The following GLI3 variants were observed in gnomAD, a reference collection of about 807,000 sequenced individuals.
GLI3 encodes transcription activator GLI3.
GLI3 carries 20 observed loss-of-function variants against 100.8 expected under a neutral mutation model. The ratio of observed to expected loss-of-function variants is 0.20; its 90% CI spans 0.14 to 0.29. The LOEUF (loss-of-function observed/expected upper bound fraction) is 0.29. Among genes scored for constraint, GLI3 ranks in the 10% least tolerant of loss-of-function variants. The pLI is 1.00. For synonymous variants in GLI3, 938 were observed against 860.5 expected, an observed-to-expected ratio of 1.09 and a Z score of -1.58; for missense variants, 2,040 against 2,128.5, an observed-to-expected ratio of 0.96 and a Z score of 0.82.
At chr7:42,157,778 A>C (rs1358654425) in intron 2 of GLI3, among the ~76,000 whole-genome samples, 2 of 152,210 alleles carry the variant, frequency 1.3e-5, no homozygotes, top group African/African-American at 4.8e-5. Context: ...TTAAGTACAT[A>C]CAAATTGAAA....
intron 12 of GLI3, among the ~76,000 whole-genome samples, chr7:41,976,484 CA>C (rs1562666052): frequency 6.6e-6 from 1 of 152,096 alleles, no homozygotes; most frequent in Non-Finnish European, 1.5e-5. Context: ...ACCTTAAAGC[CA>C]AAAGTCCACT....
At chr7:42,209,918 A>C (rs1788229690) in intron 2 of GLI3, among the ~76,000 whole-genome samples, 1 of 138,784 alleles carries the variant, frequency 7.2e-6, no homozygotes, top group South Asian at 2.5e-4. Context: ...TGAAAGTTAG[A>C]GCTCCAAATA....
At chr7:42,182,644 GTATATATATATA>G (rs764864618) in intron 2 of GLI3, among the ~76,000 whole-genome samples, 14 of 51,674 alleles carry the variant, frequency 2.7e-4, no homozygotes, top group African/African-American at 5.2e-4. Context: ...ATATGTGTGT[GTATATATATATA>G]TATATATATA....
chr7:42,164,517 T>TA (rs1485368134), intron 2 of GLI3, among the ~76,000 whole-genome samples: 10 of 149,736 alleles, frequency 6.7e-5, no homozygotes, highest in East Asian at 3.9e-4. Context: ...AGACCTTGTC[T>TA]AAAAAAAAAT....
intron 7 of GLI3, among the ~76,000 whole-genome samples, chr7:42,028,724 A>G (rs1228001403): frequency 6.6e-6 from 1 of 151,952 alleles, no homozygotes; most frequent in East Asian, 1.9e-4. Context: ...AGATCGCGCC[A>G]CTGCACTCCA....
At chr7:42,225,641 G>A (rs368251901) in intron 1 of GLI3, among the ~76,000 whole-genome samples, 7 of 152,220 alleles carry the variant, frequency 4.6e-5, no homozygotes, top group East Asian at 1.9e-4. Context: ...GAGTACAGGC[G>A]TGAGCCTTGA....
chr7:41,968,717 A>AAAGAAAGAAAG lies in GLI3; in HGVS notation c.2104-805_2104-795dup, dbSNP rs1562661766. ...AGAAAGAAAGAAAGAAAGAAAGAAG[A>AAAGAAAGAAAG]AAGAAAGAAAGAAAGAAAGAAAGAA... is the stretch of plus-strand genomic sequence containing the variant. On this transcript the variant is annotated intron_variant, in intron 13 of 14. Transcript: ENST00000395925. Among the ~76,000 whole-genome samples, 38 of 103,710 alleles carry AAAGAAAGAAAG rather than the reference A, an allele frequency of 3.7e-4. 2 individuals are homozygous for AAAGAAAGAAAG. Among genetic ancestry groups the AAAGAAAGAAAG allele is most frequent in the African/African-American group, 1.7e-3 (36 of 20,990 alleles). The allele number at this position is 103,710 out of a possible 152,430, so 68.0% of individuals were successfully genotyped here. A position where few individuals can be genotyped will look rare whatever the true frequency, so the allele number is the denominator to read the frequency against.
At chr7:42,031,388 C>T (rs60142258) in intron 7 of GLI3, among the ~76,000 whole-genome samples, 299 of 152,226 alleles carry the variant, frequency 2.0e-3, no homozygotes, top group African/African-American at 6.7e-3. Flanking sequence ...TCCCAAGCAA[C>T]GTGCTAACAC....
At chr7:42,181,829 T>G (rs1787600095) in intron 2 of GLI3, among the ~76,000 whole-genome samples, 1 of 152,158 alleles carries the variant, frequency 6.6e-6, no homozygotes, top group African/African-American at 2.4e-5. Flanking sequence ...CTCATACATC[T>G]TGGTAAATAA....
chr7:42,096,371 G>A (rs143337328), intron 3 of GLI3, among the ~76,000 whole-genome samples: 2 of 152,204 alleles, frequency 1.3e-5, no homozygotes, highest in South Asian at 2.1e-4. Context: ...GGAGAGTACA[G>A]GAACGGGCTG....
At chr7:42,255,654 A>G (rs899802921) in intron 1 of GLI3, among the ~76,000 whole-genome samples, 1 of 152,156 alleles carries the variant, frequency 6.6e-6, no homozygotes, top group African/African-American at 2.4e-5. Context: ...ATTCGTCTTC[A>G]TTGCTGAAGA....
At chr7:42,009,480 C>CT (rs3030324) in intron 10 of GLI3, among the ~76,000 whole-genome samples, 11,883 of 118,334 alleles carry the variant, frequency 0.1, 732 homozygotes, top group Non-Finnish European at 0.14. Context: ...GCAAATTGTT[C>CT]TTTTTTTTTT....
intron 7 of GLI3, among the ~76,000 whole-genome samples, chr7:42,033,875 C>T (rs1789364413): frequency 6.6e-6 from 1 of 152,208 alleles, no homozygotes; most frequent in Non-Finnish European, 1.5e-5. Flanking sequence ...TTATTGGAAA[C>T]CCAGCCCAGC....
In GLI3 at chr7:41,965,695, G is replaced by A. The variant is rs779212391; in HGVS notation, c.3378C>T (p.Pro1126=). The change falls in exon 15 of 15, where the codon CCC becomes CCT. Residue 1126 remains proline (P), a synonymous_variant. Transcript: ENST00000395925. ...LPDDSKVPHG[P]GDFDAPGLPD... is the part of the protein sequence containing the mutation. ...GCAGCCCGGGCGCGTCAAAGTCACC[G>A]GGCCCGTGGGGCACTTTGCTGTCGT... The A allele has an allele frequency of 3.3e-5, 53 of 1,613,464 alleles. No individual in the cohort carries two copies. The highest frequency in any genetic ancestry group is 4.2e-5 in the Non-Finnish European group (49 of 1,179,810).
chr7:42,146,653 G>C (rs1194852648), intron 3 of GLI3, among the ~76,000 whole-genome samples: 1 of 152,212 alleles, frequency 6.6e-6, no homozygotes, highest in African/African-American at 2.4e-5. Flanking sequence ...CTTTGGCTAA[G>C]AGTCTAGCCT....
chr7:42,027,991 A>C (rs1789171048), intron 7 of GLI3, among the ~76,000 whole-genome samples: 3 of 152,214 alleles, frequency 2.0e-5, no homozygotes, highest in Admixed American at 6.5e-5. Flanking sequence ...AAAGATGCAT[A>C]TCTGCCTCAG....
At chr7:42,039,516 C>T (rs1409904788) in intron 7 of GLI3, among the ~76,000 whole-genome samples, 1 of 152,188 alleles carries the variant, frequency 6.6e-6, no homozygotes, top group African/African-American at 2.4e-5. Flanking sequence ...GCCAGATTTC[C>T]TCTGATATCT....
At chr7:42,161,205 T>C (rs778415017) in intron 2 of GLI3, among the ~76,000 whole-genome samples, 4 of 152,198 alleles carry the variant, frequency 2.6e-5, no homozygotes, top group Non-Finnish European at 5.9e-5. Flanking sequence ...TCAAACTTTT[T>C]AATGGATGAA....
intron 9 of GLI3, among the ~76,000 whole-genome samples, chr7:42,024,701 G>A (rs536426713): frequency 4.6e-5 from 7 of 152,132 alleles, no homozygotes; most frequent in Admixed American, 1.3e-4. Context: ...GGCGGAGTCC[G>A]GATTGAAATC....
Sources: gnomAD v4.1 joint callset for allele counts (sites outside exome capture counted in the v4.1 genomes callset) on GRCh38, gnomAD v4.1.1 for gene constraint, MANE v1.5 for transcripts, NCBI Gene and HGNC (gene_info 2026-07-23, HGNC 2026-07-21) for gene names.